Variants in MYO10 observed in about 807,000 individuals in gnomAD.
MYO10 encodes the protein unconventional myosin-X.
MYO10 carries 133 observed loss-of-function variants against 257.3 expected under a neutral mutation model. The observed-to-expected ratio is 0.52, with a 90% CI of 0.45 to 0.60. MYO10 has a LOEUF of 0.60. Ranked by LOEUF, MYO10 falls within the 20% of genes least tolerant of loss-of-function variation. The pLI is 0.00. For missense variants in MYO10, 2,399 were observed against 2,635.7 expected, an observed-to-expected ratio of 0.91 and a Z score of 1.97; for synonymous variants, 1,104 against 1,028.6, an observed-to-expected ratio of 1.07 and a Z score of -1.40.
rs115160057 is a variant in MYO10 at position 16,856,956 on chromosome 5, G to C, written c.120+20653C>G. 4.6e-3 allele frequency among the ~76,000 whole-genome samples: 703 copies of C among 152,272 alleles called. 1 individual carries two copies. Among genetic ancestry groups the C allele is most frequent in the Non-Finnish European group, 7.6e-3 (518 of 68,028 alleles). On this transcript the variant is annotated intron_variant, in intron 2 of 40. Transcript: ENST00000513610. ...CAACAGAAGCATTTAAATAGGAATC[G>C]AGCTTAGAAAACAAGCAATATGTAT...
chr5:16,932,148 C>T (rs748406942), intron 1 of MYO10, among the ~76,000 whole-genome samples: 1 of 152,202 alleles, frequency 6.6e-6, no homozygotes, highest in Non-Finnish European at 1.5e-5. Flanking sequence ...CAATTTATCC[C>T]TTAAACATTA....
chr5:16,798,917 G>A (rs1742042395), intron 3 of MYO10, among the ~76,000 whole-genome samples: 1 of 151,948 alleles, frequency 6.6e-6, no homozygotes, highest in East Asian at 1.9e-4. Context: ...CCACAGTCAT[G>A]GGCATTAAGC....
rs905061943 is a variant in MYO10 at position 16,729,618 on chromosome 5, G to T, written c.1930-18373C>A. On this transcript the variant is annotated intron_variant, in intron 19 of 40. Coordinates refer to ENST00000513610, the MANE Select transcript of MYO10 (RefSeq NM_012334.3). ...AGGCACCACACCCGGCTAATTTTTT[G>T]TATTTTTAGTAGAGATGGGGTTTCA... 3.9e-5 allele frequency among the ~76,000 whole-genome samples: 6 copies of T among 151,966 alleles called. No homozygotes were observed. In the East Asian group the frequency reaches 7.8e-4, roughly 20 times the overall value.
chr5:16,901,581 A>C (rs914852539), intron 1 of MYO10, among the ~76,000 whole-genome samples: 14 of 152,316 alleles, frequency 9.2e-5, no homozygotes, highest in Non-Finnish European at 1.8e-4. Context: ...ACGGCATTTA[A>C]ATAGGTGAGA....
chr5:16,774,631 C>T (rs894809702), intron 9 of MYO10, among the ~76,000 whole-genome samples: 9 of 152,018 alleles, frequency 5.9e-5, no homozygotes, highest in Non-Finnish European at 8.8e-5. Context: ...CTGTGTTAGC[C>T]AGGATGGTCT....
chr5:16,761,204 T>C (rs896248518), intron 17 of MYO10, among the ~76,000 whole-genome samples: 2 of 152,186 alleles, frequency 1.3e-5, no homozygotes, highest in African/African-American at 4.8e-5. Flanking sequence ...TTGGCCAGGC[T>C]GGTCTCAAAC....
chr5:16,841,409 GAA>G (rs1743477570), intron 2 of MYO10, among the ~76,000 whole-genome samples: 1 of 152,166 alleles, frequency 6.6e-6, no homozygotes, highest in South Asian at 2.1e-4. Flanking sequence ...TAAGCAGGCT[GAA>G]ACTCCAATAG....
At chr5:16,927,393 C>T (rs1349185837) in intron 1 of MYO10, among the ~76,000 whole-genome samples, 2 of 152,068 alleles carry the variant, frequency 1.3e-5, no homozygotes, top group Non-Finnish European at 2.9e-5. Flanking sequence ...GGCACAATCT[C>T]GGCTCACTGG....
Position 16,676,009 on chromosome 5 carries a change from C to T in MYO10, c.4666+22G>A, listed in dbSNP as rs374882676. 142 of 1,594,124 alleles carry T rather than the reference C, an allele frequency of 8.9e-5. No homozygotes were observed. In the African/African-American group the frequency reaches 9.9e-4, roughly 11 times the overall value. ...AGTGGAATCATGGTCTCTGAGGAGT[C>T]GGGGTGGAGCTCTGGACTTACAGTT... On this transcript the variant is annotated intron_variant, in intron 34 of 40. Transcript: ENST00000513610.
At chr5:16,710,732 C>G in intron 21 of MYO10, 176 bp downstream of exon 21, 1 of 607,778 alleles carries the variant, frequency 1.6e-6, no homozygotes, top group Non-Finnish European at 2.9e-6. Context: ...GACTTCACTT[C>G]AAATAAAATA....
intron 19 of MYO10, among the ~76,000 whole-genome samples, chr5:16,711,956 C>A (rs1738640603): frequency 6.6e-6 from 1 of 151,960 alleles, no homozygotes; most frequent in Admixed American, 6.6e-5. Flanking sequence ...CATAAATGTA[C>A]CACCACTTTA....
In MYO10 at chr5:16,668,364, A is replaced by G. The variant is rs1364140369; in HGVS notation, c.5988T>C (p.Tyr1996=). 6.2e-7 allele frequency: 1 copy of G among 1,613,894 alleles called. No homozygotes were observed. The highest frequency in any genetic ancestry group is 1.3e-5 in the African/African-American group (1 of 74,940). ...GTGCCCCAAAAGAGAGGATGTGTTC[A>G]TACTGGAAGACTTCCAGTGGTCTTC... ...GEGRPLEVFQ[Y]EHILSFGAPL... The change falls in exon 40 of 41, where the codon TAT becomes TAC. Residue 1996 remains tyrosine, a synonymous_variant. Coordinates refer to ENST00000513610, the MANE Select transcript of MYO10 (RefSeq NM_012334.3).
intron 21 of MYO10, among the ~76,000 whole-genome samples, chr5:16,707,636 G>C (rs1423487366): frequency 1.3e-5 from 2 of 152,186 alleles, no homozygotes; most frequent in Non-Finnish European, 2.9e-5. Flanking sequence ...TAAAAGTCTT[G>C]AGTCTTCAGG....
rs921256138 is a variant in MYO10 at position 16,699,857 on chromosome 5, A to G, written c.3433-284T>C. On this transcript the variant is annotated intron_variant, in intron 25 of 40. Coordinates refer to ENST00000513610, the MANE Select transcript of MYO10 (RefSeq NM_012334.3). ...AACTGACAAGCAATACGCCTGATTTACGGTAGCACACAAATAATTCGGAAT... is the reference window on the plus strand; with the variant it reads ...AACTGACAAGCAATACGCCTGATTTGCGGTAGCACACAAATAATTCGGAAT... Among the ~76,000 whole-genome samples, 134 of 151,976 alleles carry G rather than the reference A, an allele frequency of 8.8e-4. 1 individual carries two copies. The highest frequency in any genetic ancestry group is 1.0e-3 in the Non-Finnish European group (69 of 67,992).
At chr5:16,719,375 G>C (rs1038669710) in intron 19 of MYO10, among the ~76,000 whole-genome samples, 3 of 152,200 alleles carry the variant, frequency 2.0e-5, no homozygotes, top group African/African-American at 7.2e-5. Flanking sequence ...GTCTGAGCAT[G>C]AGATGACACA....
intron 2 of MYO10, among the ~76,000 whole-genome samples, chr5:16,837,019 T>G (rs1248743330): frequency 3.3e-5 from 5 of 152,192 alleles, no homozygotes. Flanking sequence ...ATAAAAATGA[T>G]GTACTGATAG....
At chr5:16,891,707 C>G (rs253478) in intron 1 of MYO10, among the ~76,000 whole-genome samples, 38,059 of 152,074 alleles carry the variant, frequency 0.25, 5,977 homozygotes, top group Admixed American at 0.39. Flanking sequence ...CACCTGACCT[C>G]ATTCACTCCC....
At chr5:16,678,325 A>AT (rs1736830807) in intron 33 of MYO10, among the ~76,000 whole-genome samples, 1 of 152,116 alleles carries the variant, frequency 6.6e-6, no homozygotes, top group African/African-American at 2.4e-5. Flanking sequence ...CATGCCTGTT[A>AT]TCTCAGCACT....
chr5:16,777,849 T>C (rs1741268664), intron 9 of MYO10, among the ~76,000 whole-genome samples: 1 of 133,214 alleles, frequency 7.5e-6, no homozygotes, highest in Non-Finnish European at 1.6e-5. Flanking sequence ...CTTTTTTTTT[T>C]TTTTTTTTTT....
Sources: gnomAD v4.1 joint callset for allele counts (sites outside exome capture counted in the v4.1 genomes callset) on GRCh38, gnomAD v4.1.1 for gene constraint, MANE v1.5 for transcripts, NCBI Gene and HGNC (gene_info 2026-07-23, HGNC 2026-07-21) for gene names.